PIKFYVE: variants seen among roughly 807,000 people sequenced by gnomAD.
PIKFYVE encodes the protein 1-phosphatidylinositol 3-phosphate 5-kinase.
A neutral mutation model predicts 257.9 loss-of-function variants in PIKFYVE; 122 were observed. That is an observed-to-expected ratio of 0.47 (90% CI 0.41 to 0.55). The LOEUF is 0.55. Ranked by LOEUF, PIKFYVE falls within the 20% of genes least tolerant of loss-of-function variation. PIKFYVE has a pLI of 0.00. For synonymous variants in PIKFYVE, 892 were observed against 868.9 expected (o/e 1.03, Z -0.47); for missense variants, 2,160 against 2,536.6 (o/e 0.85, Z 3.19).
chr2:208,309,423 G>A (rs1199278518), intron 12 of PIKFYVE, among the ~76,000 whole-genome samples: 2 of 152,090 alleles, frequency 1.3e-5, no homozygotes, highest in Non-Finnish European at 2.9e-5. Context: ...AGTGTGATGT[G>A]CCAACCCCGC....
intron 12 of PIKFYVE, among the ~76,000 whole-genome samples, chr2:208,310,782 T>C (rs1449314740): frequency 6.6e-6 from 1 of 152,166 alleles, no homozygotes; most frequent in Non-Finnish European, 1.5e-5. Flanking sequence ...AATGAAGAGA[T>C]ACAGGAACCA....
At chr2:208,352,535 T>C (rs1353568184) in intron 38 of PIKFYVE, 119 bp from the exon 39 acceptor site, 1 of 1,188,882 alleles carries the variant, frequency 8.4e-7, no homozygotes, top group East Asian at 2.7e-5. Flanking sequence ...TTTTTCAAAG[T>C]CCTTTGGTCA....
rs749499920 is a variant in PIKFYVE, at chr2:208,277,636, C to T, written c.541C>T (p.Arg181Ter). The T allele has an allele frequency of 1.2e-6, 2 of 1,613,872 alleles. No homozygotes were observed. The highest frequency in any genetic ancestry group is 1.1e-5 in the South Asian group (1 of 91,078). The change falls in exon 5 of 42, where the codon CGA (arginine) becomes TGA (stop). Residue 181 changes from arginine to a stop codon, truncating the protein, a stop_gained. Transcript: ENST00000264380. LOFTEE classifies it high-confidence loss of function. ...AACCTTTAGGCGCAGACACCATTGC[C>T]GACTATGTGGGCAGATTTTCTGCAG... ...FTTFRRRHHC[R>*]LCGQIFCSRC...
At chr2:208,290,970 C>T (rs1331533987) in intron 7 of PIKFYVE, among the ~76,000 whole-genome samples, 1 of 152,100 alleles carries the variant, frequency 6.6e-6, no homozygotes, top group Non-Finnish European at 1.5e-5. Flanking sequence ...TCTTCCTTCC[C>T]AATCAGTGTA....
At chr2:208,337,728 T>G (rs1420601321) in intron 28 of PIKFYVE, among the ~76,000 whole-genome samples, 1 of 150,848 alleles carries the variant, frequency 6.6e-6, no homozygotes, top group Non-Finnish European at 1.5e-5. Flanking sequence ...CTGCAAAAAT[T>G]TTTTTTTTTG....
At chr2:208,267,802 G>A (rs1391378713) in intron 1 of PIKFYVE, among the ~76,000 whole-genome samples, 2 of 151,668 alleles carry the variant, frequency 1.3e-5, no homozygotes, top group Non-Finnish European at 2.9e-5. Context: ...CCACCGGGCG[G>A]GGGTCTCCCT....
At chr2:208,316,701 C>T (rs1480290328) in intron 15 of PIKFYVE, among the ~76,000 whole-genome samples, 3 of 152,112 alleles carry the variant, frequency 2.0e-5, no homozygotes, top group Non-Finnish European at 2.9e-5. Context: ...AAGAACAAAG[C>T]TGGAGGCATC....
chr2:208,276,297 C>T (rs1384974584), intron 3 of PIKFYVE, among the ~76,000 whole-genome samples: 1 of 152,200 alleles, frequency 6.6e-6, no homozygotes, highest in African/African-American at 2.4e-5. Context: ...TATTGCTTAC[C>T]TGTTTGACTT....
intron 7 of PIKFYVE, among the ~76,000 whole-genome samples, chr2:208,296,308 A>G (rs1692980668): frequency 6.6e-6 from 1 of 152,134 alleles, no homozygotes; most frequent in Non-Finnish European, 1.5e-5. Context: ...CCTGGACGAA[A>G]CAGACAAATT....
chr2:208,316,572 A>T (rs1352083633), intron 15 of PIKFYVE, among the ~76,000 whole-genome samples: 4 of 152,168 alleles, frequency 2.6e-5, no homozygotes, highest in East Asian at 1.9e-4. Context: ...TGCCATTCTA[A>T]CTGGTGTGAG....
At position 208,355,396 on chromosome 2, in the gene PIKFYVE, T is replaced by G. The variant is rs1005474798; in HGVS notation, c.*91T>G. On this transcript the variant is annotated 3_prime_UTR_variant, in exon 42 of 42. Coordinates refer to ENST00000264380, the MANE Select transcript of PIKFYVE (RefSeq NM_015040.4). ...AGCTACATGTTTTATTTCTTCATCG[T>G]GTTCACCACTGTATGCCAAGGCTTT... is the stretch of plus-strand genomic sequence containing the variant. The G allele has an allele frequency of 3.1e-6, 3 of 962,852 alleles. No homozygotes were observed. The African/African-American group carries it at 4.8e-5, about 16-fold the overall frequency. 59.6% of individuals were successfully genotyped at this position (962,852 alleles called of 1,614,324 possible).
chr2:208,269,945 C>A, intron 1 of PIKFYVE: 1 of 238,720 alleles, frequency 4.2e-6, no homozygotes, highest in Non-Finnish European at 9.0e-6. Context: ...CCCAGAATAT[C>A]CTTGGGAGGC....
At chr2:208,311,786 A>G (rs1356096087) in intron 12 of PIKFYVE, among the ~76,000 whole-genome samples, 4 of 152,282 alleles carry the variant, frequency 2.6e-5, no homozygotes, top group African/African-American at 7.2e-5. Flanking sequence ...TGAAATTTGA[A>G]AAAAGTTTAT....
chr2:208,333,767 C>G (rs1414469999), intron 24 of PIKFYVE, among the ~76,000 whole-genome samples: 1 of 152,092 alleles, frequency 6.6e-6, no homozygotes, highest in East Asian at 1.9e-4. Flanking sequence ...GAACCTTGGT[C>G]GATCTACTAC....
chr2:208,270,033 CAGT>C, intron 1 of PIKFYVE: 1 of 157,914 alleles, frequency 6.3e-6, no homozygotes, highest in East Asian at 1.7e-4. Context: ...GGCCAGACTA[CAGT>C]ATTTTTTTTT....
intron 36 of PIKFYVE, 56 bp downstream of exon 36, chr2:208,350,139 C>T: frequency 6.3e-7 from 1 of 1,599,990 alleles, no homozygotes; most frequent in Non-Finnish European, 8.5e-7. Flanking sequence ...GTTGAGCCAT[C>T]TCTATTATTT....
At chr2:208,291,648 T>C (rs1218797526) in intron 7 of PIKFYVE, among the ~76,000 whole-genome samples, 1 of 152,142 alleles carries the variant, frequency 6.6e-6, no homozygotes, top group Admixed American at 6.5e-5. Context: ...TCAATTTCTT[T>C]AAGAGAAATA....
intron 17 of PIKFYVE, among the ~76,000 whole-genome samples, chr2:208,321,067 C>T (rs1696151510): frequency 6.6e-6 from 1 of 152,254 alleles, no homozygotes; most frequent in South Asian, 2.1e-4. Flanking sequence ...AGCTCTCTGC[C>T]TGGGCTCTCC....
At chr2:208,347,512 T>C (rs563240747) in intron 34 of PIKFYVE, among the ~76,000 whole-genome samples, 91 of 152,334 alleles carry the variant, frequency 6.0e-4, no homozygotes, top group African/African-American at 2.1e-3. Flanking sequence ...AGCCCTAATA[T>C]AATCTTGTTG....
Sources: allele counts gnomAD v4.1 joint callset (sites outside exome capture counted in the v4.1 genomes callset), GRCh38; gene constraint gnomAD v4.1.1; transcripts MANE v1.5; gene names NCBI Gene and HGNC (gene_info 2026-07-23, HGNC 2026-07-21).